Variants in EP400 observed in about 807,000 individuals in gnomAD.
EP400 encodes the protein E1A binding protein p400, also known as E1A-binding protein p400.
A neutral mutation model predicts 354.1 loss-of-function variants in EP400; 105 were observed. The observed-to-expected ratio is 0.30, with a 90% CI of 0.25 to 0.35. The LOEUF (loss-of-function observed/expected upper bound fraction) is 0.35, where lower values mean the gene tolerates loss of function less well. Among genes scored for constraint, EP400 ranks in the 10% least tolerant of loss-of-function variants. The pLI is 1.00. For missense variants in EP400, 3,280 were observed against 4,121.0 expected (o/e 0.80, Z 5.59); for synonymous variants, 1,646 against 1,716.9 (o/e 0.96, Z 1.02).
chr12:132,043,386 T>C lies in EP400; in HGVS notation c.6290T>C (p.Leu2097Pro), dbSNP rs763508038. The C allele has an allele frequency of 6.2e-7, 1 of 1,613,964 alleles. No individual in the cohort carries two copies. Among genetic ancestry groups the C allele is most frequent in the Non-Finnish European group, 8.5e-7 (1 of 1,180,034 alleles). ...EGVLGPHTDA[L>P]SSDSENMPCD... The stretch of plus-strand genomic sequence containing the variant: ...GTGCTGGGACCACACACTGATGCTC[T>C]GTCATCAGACTCTGAGAACATGCCG... The change falls in exon 33 of 53, where the codon CTG becomes CCG. Residue 2097 changes from leucine (L) to proline (P), a missense_variant. By Grantham distance (98) the Leu-to-Pro change is moderately conservative. This residue lies in a region of EP400 where 54 missense variants were observed against 41.3 expected (regional missense o/e 1.31). Transcript: ENST00000389561.
intron 48 of EP400, 195 bp downstream of exon 48, chr12:132,065,081 C>CAG (rs984532527): frequency 9.7e-7 from 1 of 1,028,756 alleles, no homozygotes; most frequent in Non-Finnish European, 1.4e-6. Context: ...CAGCAGCTCC[C>CAG]AGAGCCCATC....
At chr12:131,980,982 A>G (rs768824036) in intron 3 of EP400, among the ~76,000 whole-genome samples, 1 of 152,196 alleles carries the variant, frequency 6.6e-6, no homozygotes, top group Non-Finnish European at 1.5e-5. Context: ...GCCATCAACA[A>G]TTTCTGGTTC....
At chr12:132,064,068 C>G (rs1895805005) in intron 47 of EP400, among the ~76,000 whole-genome samples, 1 of 148,562 alleles carries the variant, frequency 6.7e-6, no homozygotes, top group Non-Finnish European at 1.5e-5. Flanking sequence ...GTCACCTGCC[C>G]CGGTTCAACC....
In EP400 at chr12:131,972,192, G is replaced by A. The variant is rs993563097; in HGVS notation, c.1336-7502G>A. ...TTTTTAAACAGAGTCTCGCTCTGTC[G>A]CCCAGGCTGGAGTGCAGTGGCGCGA... On this transcript the variant is annotated intron_variant, in intron 2 of 52. Coordinates refer to ENST00000389561, the MANE Select transcript of EP400 (RefSeq NM_015409.5). 1.2e-4 allele frequency among the ~76,000 whole-genome samples: 18 copies of A among 148,834 alleles called. 1 individual carries two copies. The highest frequency in any genetic ancestry group is 3.9e-4 in the East Asian group (2 of 5,078).
chr12:132,044,949 C>G lies in EP400; in HGVS notation c.6780C>G (p.Pro2260=). The change falls in exon 37 of 53, where the codon CCC becomes CCG. Residue 2260 remains proline (P), a synonymous_variant. Transcript: ENST00000389561. ...AGCGGAAGCGACACAAAACAGACCC[C>G]TCAGGTGCGCATCCCGAGGGCGTCA... ...RKERKRHKTD[P]SAAGRKKKQR... The G allele has an allele frequency of 6.2e-7, 1 of 1,613,998 alleles. No individual in the cohort carries two copies. Among genetic ancestry groups the G allele is most frequent in the Non-Finnish European group, 8.5e-7 (1 of 1,180,018 alleles).
chr12:132,031,000 G>A (rs543316921), intron 29 of EP400, among the ~76,000 whole-genome samples: 1 of 152,184 alleles, frequency 6.6e-6, no homozygotes. Context: ...TCATGTACAC[G>A]CTGGAGAGGC....
chr12:132,045,029 C>T (rs1290719809), intron 37 of EP400, 76 bp downstream of exon 37: 2 of 1,332,242 alleles, frequency 1.5e-6, no homozygotes, highest in Admixed American at 3.2e-5. Flanking sequence ...CCACTTTCTG[C>T]TGTCTGCCTG....
intron 5 of EP400, among the ~76,000 whole-genome samples, chr12:131,984,129 C>T (rs908528988): frequency 2.0e-5 from 3 of 152,158 alleles, no homozygotes; most frequent in Non-Finnish European, 4.4e-5. Context: ...AACTCCTGAC[C>T]TCAGGTGATC....
At chr12:132,034,638 A>T (rs559152602) in intron 30 of EP400, among the ~76,000 whole-genome samples, 2 of 152,118 alleles carry the variant, frequency 1.3e-5, no homozygotes, top group East Asian at 3.9e-4. Flanking sequence ...ATAGCCCGGC[A>T]CCCATGGGGA....
chr12:132,036,076 A>G (rs1018269540), intron 30 of EP400, among the ~76,000 whole-genome samples: 2 of 150,808 alleles, frequency 1.3e-5, no homozygotes, highest in Non-Finnish European at 2.9e-5. Flanking sequence ...AGAAGCACAC[A>G]GCCAGGTTCA....
At position 132,079,107 on chromosome 12, in the gene EP400, C is replaced by A. The variant is rs528301988; in HGVS notation, c.*1434C>A. ...GATTTTCTGTTTTTAAATTGTATTT[C>A]ATCTGCTTCCTCCCCATTCTCTCAC... is the stretch of plus-strand genomic sequence containing the variant. On this transcript the variant is annotated 3_prime_UTR_variant, in exon 53 of 53. Transcript: ENST00000389561. The A allele has an allele frequency of 1.2e-4, 19 of 152,290 alleles. No homozygotes were observed. The highest frequency in any genetic ancestry group is 2.0e-4 in the Admixed American group (3 of 15,300). The allele number at this position is 152,290 out of a possible 1,614,324, so 9.4% of individuals were successfully genotyped here.
At position 132,038,175 on chromosome 12, in the gene EP400, G is replaced by C. The variant is rs1030130352; in HGVS notation, c.6207+79G>C. The stretch of plus-strand genomic sequence containing the variant: ...ACCTGCACCCTCCCCCAGGGTTCTG[G>C]GTGCTCAGTCCCCACTCTTCCCTGG... On this transcript the variant is annotated intron_variant, in intron 32 of 52. Coordinates refer to ENST00000389561, the MANE Select transcript of EP400 (RefSeq NM_015409.5). This position sits in a 1 kb window ranked among gnomAD's most constrained non-coding sequence, Gnocchi z 4.2. The C allele has an allele frequency of 1.9e-6, 3 of 1,576,758 alleles. No individual in the cohort carries two copies. Among genetic ancestry groups the C allele is most frequent in the African/African-American group, 2.7e-5 (2 of 74,230 alleles).
At chr12:132,057,766 G>A (rs1593379829) in intron 45 of EP400, among the ~76,000 whole-genome samples, 1 of 152,232 alleles carries the variant, frequency 6.6e-6, no homozygotes, top group South Asian at 2.1e-4. Context: ...TGAGGCGTTT[G>A]GAACATCCCG....
chr12:132,020,133 C>A lies in EP400; in HGVS notation c.4362C>A (p.Ala1454=), dbSNP rs1387056809. Residue 1454 remains alanine, a synonymous_variant, in exon 22 of 53, where the codon GCC becomes GCA. Transcript: ENST00000389561. ...FPSTHPPRTA[A]PTTASAAPQG... ...GCACTCACCCGCCCCGGACGGCAGC[C>A]CCCACCACGGCCTCTGCTGCTCCAC... 1 of 1,612,014 alleles carries A rather than the reference C, an allele frequency of 6.2e-7. No homozygotes were observed. The highest frequency in any genetic ancestry group is 1.7e-5 in the Admixed American group (1 of 59,654).
chr12:132,025,877 C>T lies in EP400; in HGVS notation c.5014+73C>T, dbSNP rs1894288478. On this transcript the variant is annotated intron_variant, in intron 25 of 52. Transcript: ENST00000389561. The surrounding 1 kb of genome is among the most constrained non-coding windows in gnomAD (Gnocchi z 4.1). ...TCTTCCATCTAAGGCGAGTGGAAAG[C>T]ATTCATGTGTCTTTGACTGTATCTC... 1 of 1,459,250 alleles carries T rather than the reference C, an allele frequency of 6.9e-7. No individual in the cohort carries two copies. The highest frequency in any genetic ancestry group is 9.0e-7 in the Non-Finnish European group (1 of 1,105,450). 90.4% of individuals were successfully genotyped at this position (1,459,250 alleles called of 1,614,324 possible).
chr12:132,045,694 T>C (rs781376132), intron 38 of EP400, 33 bp from the exon 39 acceptor site: 1 of 1,612,668 alleles, frequency 6.2e-7, no homozygotes. Flanking sequence ...TTAGAGTGTA[T>C]TCACCTGTTT....
intron 30 of EP400, among the ~76,000 whole-genome samples, chr12:132,033,046 C>T (rs531070786): frequency 6.6e-6 from 1 of 152,274 alleles, no homozygotes; most frequent in South Asian, 2.1e-4. Flanking sequence ...CTCCTGGGTT[C>T]AAGCGATTCT....
chr12:132,007,321 G>T (rs1281643678), intron 15 of EP400, among the ~76,000 whole-genome samples: 1 of 152,234 alleles, frequency 6.6e-6, no homozygotes, highest in Non-Finnish European at 1.5e-5. Flanking sequence ...CCTCTTGCTG[G>T]ATTTCACCTG....
intron 30 of EP400, among the ~76,000 whole-genome samples, chr12:132,033,228 G>A (rs1565923164): frequency 1.3e-5 from 2 of 152,198 alleles, no homozygotes; most frequent in Non-Finnish European, 2.9e-5. Context: ...GATTATAGGT[G>A]TGAGCCACCG....
Sources: gnomAD v4.1 joint callset for allele counts (sites outside exome capture counted in the v4.1 genomes callset) on GRCh38, gnomAD v4.1.1 for gene constraint, gnomAD v4.1.1 regional missense constraint, Gnocchi (gnomAD v3.1) non-coding constraint, MANE v1.5 for transcripts, NCBI Gene and HGNC (gene_info 2026-07-23, HGNC 2026-07-21) for gene names.